PACRGL: variants seen among roughly 807,000 people sequenced by gnomAD.
PACRGL encodes PACRG-like protein.
PACRGL carries 38 observed loss-of-function variants against 34.5 expected under a neutral mutation model. The observed-to-expected ratio is 1.10, with a 90% confidence interval of 0.85 to 1.44. PACRGL has a LOEUF of 1.44. Among genes scored for constraint, PACRGL ranks in the 40% most tolerant of loss-of-function variants. The pLI, the probability that PACRGL is intolerant of heterozygous loss-of-function variation, is 0.00. For missense variants in PACRGL, 305 were observed against 281.4 expected, an observed-to-expected ratio of 1.08 and a Z score of -0.60; for synonymous variants, 128 against 100.1, an observed-to-expected ratio of 1.28 and a Z score of -1.66.
chr4:20,740,582 C>A (rs1055768959), intron 8 of PACRGL, among the ~76,000 whole-genome samples: 1 of 152,156 alleles, frequency 6.6e-6, no homozygotes, highest in African/African-American at 2.4e-5. Flanking sequence ...AAGCACTAAA[C>A]ATAGAAAGGA....
intron 1 of PACRGL, among the ~76,000 whole-genome samples, chr4:20,701,290 C>T (rs1048734672): frequency 1.6e-4 from 24 of 152,094 alleles, no homozygotes; most frequent in African/African-American, 5.6e-4. Context: ...ACACAGATAC[C>T]GGCAGTCCCT....
At chr4:20,750,455 T>TAG (rs1753412189) in intron 8 of PACRGL, among the ~76,000 whole-genome samples, 1 of 152,150 alleles carries the variant, frequency 6.6e-6, no homozygotes, top group Non-Finnish European at 1.5e-5. Flanking sequence ...GAGCCCCTAC[T>TAG]CTGTCTGGGT....
downstream of PACRGL, among the ~76,000 whole-genome samples, chr4:20,756,942 G>A (rs1225394473): frequency 6.6e-6 from 1 of 151,948 alleles, no homozygotes; most frequent in African/African-American, 2.4e-5. Context: ...CTACATCATG[G>A]ATTTAACCAC....
chr4:20,734,983 G>A (rs185114694), downstream of PACRGL, among the ~76,000 whole-genome samples: 52 of 152,168 alleles, frequency 3.4e-4, 1 homozygote, highest in Non-Finnish European at 5.9e-4. Flanking sequence ...GTACCAGTGC[G>A]TACCCACACA....
In PACRGL at chr4:20,704,444, CTTTTT is replaced by C; in HGVS notation, c.-16-14_-16-10del. The C allele has an allele frequency of 7.9e-7, 1 of 1,271,778 alleles. No homozygotes were observed. The highest frequency in any genetic ancestry group is 1.1e-6 in the Non-Finnish European group (1 of 908,654). 78.8% of individuals were successfully genotyped at this position (1,271,778 alleles called of 1,614,324 possible). On this transcript the variant is annotated splice_polypyrimidine_tract_variant and intron_variant, in intron 1 of 8. Transcript: ENST00000503585. ...CCCTCCAAACAAATTTTGAAATCAA[CTTTTT>C]TTTTTTTAAACTGCAGGAGTGAAAG...
At position 20,728,533 on chromosome 4, in the gene PACRGL, T is replaced by G. The variant is rs1386799643; in HGVS notation, c.*1192T>G. ...TTGCATTGAGCACCATCCAGAGCTA[T>G]CTGCCATCTAGAAAGTACTGTAAGA... On this transcript the variant is annotated 3_prime_UTR_variant, in exon 9 of 9. Transcript: ENST00000503585. 6.6e-5 allele frequency: 10 copies of G among 152,368 alleles called. No homozygotes were observed. Among genetic ancestry groups the G allele is most frequent in the African/African-American group, 2.4e-4 (10 of 41,450 alleles). The allele number at this position is 152,368 out of a possible 1,614,324, so 9.4% of individuals were successfully genotyped here.
intron 8 of PACRGL, chr4:20,749,657 C>T: frequency 6.3e-7 from 1 of 1,589,088 alleles, no homozygotes; most frequent in Non-Finnish European, 8.6e-7. Context: ...TAATCCAGAG[C>T]TTACCTCGAA....
chr4:20,703,388 C>A (rs1193314608), intron 1 of PACRGL, among the ~76,000 whole-genome samples: 1 of 151,972 alleles, frequency 6.6e-6, no homozygotes, highest in Non-Finnish European at 1.5e-5. Context: ...CATAGAAATA[C>A]ACATTTGAGA....
chr4:20,757,226 AAT>A (rs1220802257), downstream of PACRGL, among the ~76,000 whole-genome samples: 1 of 152,070 alleles, frequency 6.6e-6, no homozygotes, highest in East Asian at 1.9e-4. Flanking sequence ...TTGTCATCTA[AAT>A]ATGTCTGTAA....
intron 7 of PACRGL, among the ~76,000 whole-genome samples, chr4:20,720,426 G>T: frequency 6.6e-6 from 1 of 152,122 alleles, no homozygotes; most frequent in Middle Eastern, 3.2e-3. Flanking sequence ...TCCTAGCCTC[G>T]ATGGTCTTTA....
At chr4:20,749,606 C>T in intron 8 of PACRGL, 8 of 1,227,878 alleles carry the variant, frequency 6.5e-6, no homozygotes, top group South Asian at 1.4e-5. Flanking sequence ...ACATTTTCCC[C>T]CTAAAAAGAC....
downstream of PACRGL, among the ~76,000 whole-genome samples, chr4:20,757,466 A>G (rs962687249): frequency 6.6e-6 from 1 of 152,138 alleles, no homozygotes; most frequent in Non-Finnish European, 1.5e-5. Context: ...CTCAAGGATA[A>G]AGTCCCATTT....
At position 20,729,317 on chromosome 4, in the gene PACRGL, TTGATACTAA is replaced by T. The variant is rs1275707519; in HGVS notation, c.*1981_*1989del. On this transcript the variant is annotated 3_prime_UTR_variant, in exon 9 of 9. Transcript: ENST00000503585. ...GCCTTCTTCAACTTCCACTTAATGA[TTGATACTAA>T]TGATTGATACAATAGAAAACAGCCT... 1 of 152,066 alleles carries T rather than the reference TTGATACTAA, an allele frequency of 6.6e-6. No individual in the cohort carries two copies. The highest frequency in any genetic ancestry group is 1.5e-5 in the Non-Finnish European group (1 of 67,960). 9.4% of individuals were successfully genotyped at this position (152,066 alleles called of 1,614,324 possible).
At position 20,730,033 on chromosome 4, in the gene PACRGL, G is replaced by T; in HGVS notation, c.*2692G>T. 1 of 1,577,386 alleles carries T rather than the reference G, an allele frequency of 6.3e-7. No homozygotes were observed. Among genetic ancestry groups the T allele is most frequent in the South Asian group, 1.2e-5 (1 of 83,984 alleles). On this transcript the variant is annotated 3_prime_UTR_variant, in exon 9 of 9. Coordinates refer to ENST00000503585, the MANE Select transcript of PACRGL (RefSeq NM_001258345.3). The stretch of plus-strand genomic sequence containing the variant: ...AAGTGGTAGCTCCAACTTTAAGGGT[G>T]GTAGAATAGTTCACATTTGTCTGTT...
chr4:20,759,357 A>G, the PACRGL span, among the ~76,000 whole-genome samples: 1 of 152,202 alleles, frequency 6.6e-6, no homozygotes, highest in Non-Finnish European at 1.5e-5. Context: ...AACCAGTAAT[A>G]GATACTAATG....
chr4:20,704,424 C>T lies in PACRGL; in HGVS notation c.-16-42C>T, dbSNP rs746528050. 5.0e-5 allele frequency: 80 copies of T among 1,588,052 alleles called. 1 individual carries two copies. In the South Asian group the frequency reaches 9.1e-4, roughly 18 times the overall value. ...TTTTTATTGATAACAAATGCCCCTC[C>T]AAACAAATTTTGAAATCAACTTTTT... On this transcript the variant is annotated intron_variant, in intron 1 of 8. Coordinates refer to ENST00000503585, the MANE Select transcript of PACRGL (RefSeq NM_001258345.3).
At chr4:20,749,773 C>T in intron 8 of PACRGL, 1 of 1,338,884 alleles carries the variant, frequency 7.5e-7, no homozygotes, top group Non-Finnish European at 1.1e-6. Context: ...TCAGTGTTTC[C>T]ATATCCTACA....
At chr4:20,739,038 G>C (rs1302759287) in intron 8 of PACRGL, among the ~76,000 whole-genome samples, 5 of 152,182 alleles carry the variant, frequency 3.3e-5, no homozygotes, top group Non-Finnish European at 7.3e-5. Context: ...TGAGGCTGAG[G>C]GAGGGGCGTC....
chr4:20,761,473 G>C, the PACRGL span, among the ~76,000 whole-genome samples: 1 of 152,166 alleles, frequency 6.6e-6, no homozygotes, highest in Admixed American at 6.5e-5. Context: ...TTTGCAGTTA[G>C]ACCCTCTCAC....
Sources: gnomAD v4.1 joint callset for allele counts (sites outside exome capture counted in the v4.1 genomes callset) on GRCh38, gnomAD v4.1.1 for gene constraint, MANE v1.5 for transcripts, NCBI Gene and HGNC (gene_info 2026-07-23, HGNC 2026-07-21) for gene names.